HFM1: variants seen among roughly 807,000 people sequenced by gnomAD.
The protein encoded by HFM1 is helicase for meiosis 1, also known as probable ATP-dependent DNA helicase HFM1.
A neutral mutation model predicts 192.1 loss-of-function variants in HFM1; 169 were observed. The ratio of observed to expected loss-of-function variants is 0.88; its 90% CI spans 0.78 to 1.00. HFM1 has a LOEUF of 1.00. HFM1 is among the 50% of genes least tolerant of loss of function. The pLI, the probability that HFM1 is intolerant of heterozygous loss-of-function variation, is 0.00. For synonymous variants in HFM1, 525 were observed against 537.8 expected (o/e 0.98, Z 0.33); for missense variants, 1,661 against 1,668.0 (o/e 1.00, Z 0.07).
intron 13 of HFM1, among the ~76,000 whole-genome samples, chr1:91,374,191 A>G (rs1041421883): frequency 1.3e-5 from 2 of 152,096 alleles, no homozygotes; most frequent in African/African-American, 4.8e-5. Flanking sequence ...AGAGGCTAAT[A>G]CAGCTTGACC....
intron 30 of HFM1, among the ~76,000 whole-genome samples, chr1:91,304,320 A>G (rs1179869210): frequency 6.6e-6 from 1 of 152,190 alleles, no homozygotes; most frequent in Non-Finnish European, 1.5e-5. Context: ...TCTGAAGCAC[A>G]AAAGTTTTCA....
At chr1:91,324,117 G>T (rs1007119929) in intron 21 of HFM1, among the ~76,000 whole-genome samples, 3 of 152,192 alleles carry the variant, frequency 2.0e-5, no homozygotes, top group African/African-American at 4.8e-5. Context: ...CAGCTGCAAA[G>T]TTGCCCCATT....
chr1:91,272,322 G>A (rs1020217327), intron 34 of HFM1, among the ~76,000 whole-genome samples: 4 of 151,952 alleles, frequency 2.6e-5, no homozygotes, highest in African/African-American at 9.7e-5. Flanking sequence ...GACTTGGACA[G>A]ATGGTTTTCA....
intron 4 of HFM1, among the ~76,000 whole-genome samples, chr1:91,387,130 A>G (rs1481177497): frequency 1.3e-5 from 2 of 152,240 alleles, no homozygotes; most frequent in Admixed American, 6.5e-5. Flanking sequence ...CTTATAGAAT[A>G]AGTAATGGAG....
chr1:91,313,565 C>A, intron 29 of HFM1, 70 bp from the exon 30 acceptor site: 4 of 1,020,790 alleles, frequency 3.9e-6, no homozygotes, highest in Non-Finnish European at 5.5e-6. Context: ...ACACTTATTT[C>A]TTTTTATCTC....
At chr1:91,350,147 T>G (rs759567788) in intron 18 of HFM1, among the ~76,000 whole-genome samples, 8 of 152,184 alleles carry the variant, frequency 5.3e-5, no homozygotes, top group South Asian at 2.1e-4. Flanking sequence ...AGGCTTATAT[T>G]AATTACTCTT....
chr1:91,405,623 T>C (rs1664764049), upstream of HFM1, among the ~76,000 whole-genome samples: 1 of 152,202 alleles, frequency 6.6e-6, no homozygotes, highest in Non-Finnish European at 1.5e-5. Context: ...TAAGTCTTAA[T>C]TCTGCATCCT....
chr1:91,403,603 T>C (rs1215494856), intron 1 of HFM1, among the ~76,000 whole-genome samples: 2 of 152,184 alleles, frequency 1.3e-5, no homozygotes, highest in African/African-American at 4.8e-5. Context: ...GTTCCTATTA[T>C]TTATTATTAA....
In HFM1 at chr1:91,311,228, G is replaced by A. The variant is rs373653712; in HGVS notation, c.3391+2121C>T. ...CATTTTGCCCCTGCCCAAGAGATTTGTGGAACTTTTAACTTGAGAGAGATG... is the reference window on the plus strand; with the variant it reads ...CATTTTGCCCCTGCCCAAGAGATTTATGGAACTTTTAACTTGAGAGAGATG... On this transcript the variant is annotated intron_variant, in intron 30 of 38. Transcript: ENST00000370425. Among the ~76,000 whole-genome samples the A allele has an allele frequency of 1.6e-4, 24 of 152,272 alleles. No individual in the cohort carries two copies. In the East Asian group the frequency reaches 3.9e-3, roughly 24 times the overall value.
chr1:91,393,736 TAAAG>T (rs1228551030), intron 4 of HFM1, among the ~76,000 whole-genome samples: 4 of 150,494 alleles, frequency 2.7e-5, no homozygotes, highest in Non-Finnish European at 4.5e-5. Flanking sequence ...AATGAACTCT[TAAAG>T]AAAAGAAAGT....
chr1:91,343,258 T>C (rs993506431), intron 20 of HFM1, among the ~76,000 whole-genome samples, 172 bp downstream of exon 20: 2 of 129,838 alleles, frequency 1.5e-5, no homozygotes, highest in Non-Finnish European at 3.5e-5. Flanking sequence ...AAAAAACTAT[T>C]ACAAATAGGA....
At chr1:91,292,450 C>T (rs1295877897) in intron 30 of HFM1, among the ~76,000 whole-genome samples, 2 of 146,338 alleles carry the variant, frequency 1.4e-5, no homozygotes, top group African/African-American at 5.1e-5. Context: ...CTCCCATTCA[C>T]AATTGCTTCA....
chr1:91,362,802 C>G (rs1475610321), intron 13 of HFM1, among the ~76,000 whole-genome samples: 3 of 152,128 alleles, frequency 2.0e-5, no homozygotes. Context: ...GTAACCAAAA[C>G]AGCATGGGGC....
chr1:91,385,073 A>G (rs1209611295), intron 6 of HFM1, 114 bp downstream of exon 6: 13 of 739,306 alleles, frequency 1.8e-5, no homozygotes, highest in Non-Finnish European at 2.3e-5. Flanking sequence ...CAAAAAGATT[A>G]ATTTTTCCCT....
At chr1:91,346,768 GTTGGGA>G (rs955738771) in intron 19 of HFM1, among the ~76,000 whole-genome samples, 32 of 152,088 alleles carry the variant, frequency 2.1e-4, no homozygotes, top group Non-Finnish European at 4.4e-4. Context: ...TTTGGCACAG[GTTGGGA>G]TACAAAGCCC....
chr1:91,263,804 T>G (rs1295602888), intron 36 of HFM1, among the ~76,000 whole-genome samples: 1 of 152,168 alleles, frequency 6.6e-6, no homozygotes, highest in African/African-American at 2.4e-5. Flanking sequence ...CAGCAACTTC[T>G]ACACCAGGTT....
chr1:91,352,284 T>G (rs1657039121), intron 16 of HFM1, among the ~76,000 whole-genome samples: 1 of 150,654 alleles, frequency 6.6e-6, no homozygotes, highest in South Asian at 2.1e-4. Context: ...TACCCATTCA[T>G]AAACCCATCC....
intron 20 of HFM1, among the ~76,000 whole-genome samples, chr1:91,337,817 G>A (rs1396907540): frequency 2.0e-5 from 3 of 152,200 alleles, no homozygotes; most frequent in Non-Finnish European, 4.4e-5. Context: ...ATCTGACCAT[G>A]TCAGCACACT....
intron 30 of HFM1, among the ~76,000 whole-genome samples, chr1:91,312,511 T>C (rs553321407): frequency 6.6e-6 from 1 of 152,282 alleles, no homozygotes; most frequent in African/African-American, 2.4e-5. Flanking sequence ...GTAAGCCCTT[T>C]GTTTTGGCCA....
Sources: allele counts gnomAD v4.1 joint callset (sites outside exome capture counted in the v4.1 genomes callset), GRCh38; gene constraint gnomAD v4.1.1; transcripts MANE v1.5; gene names NCBI Gene and HGNC (gene_info 2026-07-23, HGNC 2026-07-21).